The following XDH variants were observed in gnomAD, a reference collection of about 807,000 sequenced individuals.
The protein encoded by XDH is xanthine dehydrogenase/oxidase.
A neutral mutation model predicts 156.1 loss-of-function variants in XDH; 138 were observed. The observed-to-expected ratio is 0.88, with a 90% CI of 0.77 to 1.02. The LOEUF (loss-of-function observed/expected upper bound fraction) is 1.02. XDH is among the 50% of genes least tolerant of loss of function. The pLI is 0.00. For missense variants in XDH, 1,849 were observed against 1,684.9 expected (o/e 1.10, Z -1.71); for synonymous variants, 669 against 625.7 (o/e 1.07, Z -1.03).
At chr2:31,355,823 G>A (rs1347523672) in intron 24 of XDH, among the ~76,000 whole-genome samples, 1 of 152,122 alleles carries the variant, frequency 6.6e-6, no homozygotes, top group Non-Finnish European at 1.5e-5. Context: ...AGTTAAAAGA[G>A]ATTAGCAGAA....
At position 31,379,993 on chromosome 2, in the gene XDH, T is replaced by C. The variant is rs759969094; in HGVS notation, c.1133-17A>G. On this transcript the variant is annotated splice_polypyrimidine_tract_variant and intron_variant, in intron 12 of 35. Transcript: ENST00000379416. Reference sequence around the variant, plus strand: ...TCCTGGTGCCTGTACAGAAGCAAGATGAAGAGGAGCCAAAGTGAGGGAAAG... The same window carrying C: ...TCCTGGTGCCTGTACAGAAGCAAGACGAAGAGGAGCCAAAGTGAGGGAAAG... 3 of 1,612,514 alleles carry C rather than the reference T, an allele frequency of 1.9e-6. No homozygotes were observed. The African/African-American group carries it at 4.0e-5, about 22-fold the overall frequency.
At position 31,372,357 on chromosome 2, in the gene XDH, C is replaced by T. The variant is rs748378765; in HGVS notation, c.1727G>A (p.Arg576Gln). ...GTCCGCTGCCAGGTGGGGCAGGGGC[C>T]GGCCCACCATGTCCTCCTCAGACTG... ...KGQSEEDMVG[R>Q]PLPHLAADMQ... Residue 576 changes from arginine (R) to glutamine (Q), a missense_variant, in exon 17 of 36, where the codon CGG (arginine) becomes CAG (glutamine). Coordinates refer to ENST00000379416, the MANE Select transcript of XDH (RefSeq NM_000379.4). The T allele has an allele frequency of 6.8e-6, 11 of 1,614,028 alleles. No individual in the cohort carries two copies. The highest frequency in any genetic ancestry group is 4.5e-5 in the East Asian group (2 of 44,890).
chr2:31,361,450 C>A (rs1471698758), intron 24 of XDH, among the ~76,000 whole-genome samples: 3 of 152,152 alleles, frequency 2.0e-5, no homozygotes, highest in Non-Finnish European at 4.4e-5. Flanking sequence ...ACTTTGAAAT[C>A]ATAAGAAATG....
At chr2:31,368,724 G>T in intron 18 of XDH, 64 bp from the exon 19 acceptor site, 2 of 1,613,802 alleles carry the variant, frequency 1.2e-6, no homozygotes. Flanking sequence ...ATTATTTTTG[G>T]ATTGTTCAAA....
At position 31,375,505 on chromosome 2, in the gene XDH, C is replaced by T. The variant is rs760730971; in HGVS notation, c.1477G>A (p.Glu493Lys). 21 of 1,613,970 alleles carry T rather than the reference C, an allele frequency of 1.3e-5. No individual in the cohort carries two copies. The highest frequency in any genetic ancestry group is 8.8e-5 in the South Asian group (8 of 91,082). ...LQDVCAGLAE[E>K]LHLPPDAPGG... ...GGGGCATCGGGAGGCAGATGCAGCT[C>T]CTCTGCCAGTCCTGCACACACGTCC... is the stretch of plus-strand genomic sequence containing the variant. Residue 493 changes from glutamate to lysine, a missense_variant, in exon 15 of 36, where the codon GAG becomes AAG. By Grantham distance (56) the Glu-to-Lys change is moderately conservative. Transcript: ENST00000379416.
intron 1 of XDH, among the ~76,000 whole-genome samples, chr2:31,410,977 C>T (rs1687326146): frequency 6.6e-6 from 1 of 152,100 alleles, no homozygotes. Context: ...AAATGGACTA[C>T]AGTTTTGTAA....
intron 6 of XDH, 28 bp from the exon 7 acceptor site, chr2:31,388,323 G>C (rs1446742055): frequency 6.2e-7 from 1 of 1,610,672 alleles, no homozygotes; most frequent in Non-Finnish European, 8.5e-7. Context: ...ATCTGCACAA[G>C]GGTATTTACA....
chr2:31,383,988 G>C, intron 9 of XDH, 141 bp from the exon 10 acceptor site: 2 of 812,262 alleles, frequency 2.5e-6, no homozygotes, highest in Non-Finnish European at 4.1e-6. Flanking sequence ...GTAGGTGTCT[G>C]GGAATAGGAA....
Position 31,375,513 on chromosome 2 carries a change from A to G in XDH, c.1469T>C (p.Leu490Pro). 6.2e-7 allele frequency: 1 copy of G among 1,614,030 alleles called. No homozygotes were observed. ...GGGAGGCAGATGCAGCTCCTCTGCC[A>G]GTCCTGCACACACGTCCTGCAGCAG... ...EELLQDVCAGLAEELHLPPDA... is the reference protein window; with the variant it reads ...EELLQDVCAGPAEELHLPPDA... The change falls in exon 15 of 36, where the codon CTG becomes CCG. Residue 490 changes from leucine to proline, a missense_variant. Transcript: ENST00000379416.
At chr2:31,344,176 A>G (rs1208127928) in intron 31 of XDH, among the ~76,000 whole-genome samples, 3 of 152,156 alleles carry the variant, frequency 2.0e-5, no homozygotes, top group African/African-American at 7.2e-5. Context: ...CCCTGTATTA[A>G]TAAGTTTCCA....
chr2:31,414,396 TC>T (rs1687420382), intron 1 of XDH, among the ~76,000 whole-genome samples: 1 of 151,706 alleles, frequency 6.6e-6, no homozygotes, highest in African/African-American at 2.4e-5. Context: ...TGCTTGCCTC[TC>T]TCTCCCTCAT....
chr2:31,370,197 C>A (rs1354035977), intron 18 of XDH, among the ~76,000 whole-genome samples, 158 bp downstream of exon 18: 3 of 152,210 alleles, frequency 2.0e-5, no homozygotes, highest in Non-Finnish European at 4.4e-5. Flanking sequence ...GTAACATATT[C>A]TATCTTTTTG....
At chr2:31,369,162 T>A (rs1686003739) in intron 18 of XDH, among the ~76,000 whole-genome samples, 1 of 152,244 alleles carries the variant, frequency 6.6e-6, no homozygotes, top group African/African-American at 2.4e-5. Context: ...TACCAAAAGC[T>A]TCTCAAAGGC....
At chr2:31,406,346 C>A (rs1189856959) in intron 1 of XDH, among the ~76,000 whole-genome samples, 1 of 152,164 alleles carries the variant, frequency 6.6e-6, no homozygotes, top group Non-Finnish European at 1.5e-5. Context: ...CTGGAGGCCT[C>A]CCCAGAAGCC....
At chr2:31,377,311 G>GGTGA in intron 13 of XDH, 74 bp from the exon 14 acceptor site, 2 of 1,553,544 alleles carry the variant, frequency 1.3e-6, no homozygotes, top group African/African-American at 2.7e-5. Context: ...CCAAACCACA[G>GGTGA]GGCTATGAGG....
chr2:31,381,677 G>T lies in XDH; in HGVS notation c.1088C>A (p.Pro363His). 5 of 1,614,108 alleles carry T rather than the reference G, an allele frequency of 3.1e-6. No individual in the cohort carries two copies. Among genetic ancestry groups the T allele is most frequent in the Non-Finnish European group, 4.2e-6 (5 of 1,180,026 alleles). ...ITASPISDLN[P>H]VFMASGAKLT... ...CTTGGCCCCACTGGCCATGAACACG[G>T]GGTTGAGGTCGGAGATGGGGCTGGC... The change falls in exon 12 of 36, where the codon CCC becomes CAC. Residue 363 changes from proline (P) to histidine (H), a missense_variant. Transcript: ENST00000379416.
At chr2:31,341,131 AT>A (rs1157774230) in intron 33 of XDH, among the ~76,000 whole-genome samples, 197 bp downstream of exon 33, 1 of 152,102 alleles carries the variant, frequency 6.6e-6, no homozygotes, top group African/African-American at 2.4e-5. Flanking sequence ...GTTGACCCAT[AT>A]TAATTTGCTT....
chr2:31,348,250 C>T lies in XDH; in HGVS notation c.3147+18G>A. The T allele has an allele frequency of 6.2e-7, 1 of 1,612,674 alleles. No homozygotes were observed. Among genetic ancestry groups the T allele is most frequent in the Non-Finnish European group, 8.5e-7 (1 of 1,178,770 alleles). Reference sequence around the variant, plus strand: ...TCCTCTAACAACGGACACAACACTGCCAGAGAGGGCTGCTCACCTGGACCA... The same window carrying T: ...TCCTCTAACAACGGACACAACACTGTCAGAGAGGGCTGCTCACCTGGACCA... On this transcript the variant is annotated intron_variant, in intron 28 of 35. Transcript: ENST00000379416.
At chr2:31,390,966 T>C (rs1001424880) in intron 6 of XDH, among the ~76,000 whole-genome samples, 1 of 152,236 alleles carries the variant, frequency 6.6e-6, no homozygotes, top group Non-Finnish European at 1.5e-5. Context: ...TCCTCATTCA[T>C]CGTTATTAAA....
Sources: allele counts gnomAD v4.1 joint callset (sites outside exome capture counted in the v4.1 genomes callset), GRCh38; gene constraint gnomAD v4.1.1; transcripts MANE v1.5; gene names NCBI Gene and HGNC (gene_info 2026-07-23, HGNC 2026-07-21).